SGSM1: variants seen among roughly 807,000 people sequenced by gnomAD.
The protein encoded by SGSM1 is RUN and TBC1 domain containing 2.
SGSM1 carries 73 observed loss-of-function variants against 133.8 expected under a neutral mutation model. That is an observed-to-expected ratio of 0.55 (90% CI 0.45 to 0.66). The LOEUF is 0.66. SGSM1 is among the 30% of genes least tolerant of loss of function. SGSM1 has a pLI of 0.00. For missense variants in SGSM1, 1,213 were observed against 1,448.1 expected, an observed-to-expected ratio of 0.84 and a Z score of 2.64; for synonymous variants, 563 against 573.0, an observed-to-expected ratio of 0.98 and a Z score of 0.25.
intron 24 of SGSM1, among the ~76,000 whole-genome samples, chr22:24,920,950 G>A (rs907413184): frequency 6.6e-6 from 1 of 152,078 alleles, no homozygotes; most frequent in African/African-American, 2.4e-5. Flanking sequence ...GCTTTATTTG[G>A]ATTTCACCTG....
chr22:24,848,421 G>A (rs954585713), intron 4 of SGSM1, among the ~76,000 whole-genome samples: 2 of 152,020 alleles, frequency 1.3e-5, no homozygotes, highest in African/African-American at 4.8e-5. Context: ...CTGACTAGAA[G>A]TTAAAAAAAA....
At chr22:24,859,691 G>A in intron 8 of SGSM1, 25 bp from the exon 9 acceptor site, 1 of 1,613,142 alleles carries the variant, frequency 6.2e-7, no homozygotes, top group East Asian at 2.2e-5. Flanking sequence ...ACCATGGCCA[G>A]ACCTGAGTCC....
intron 2 of SGSM1, among the ~76,000 whole-genome samples, chr22:24,818,142 G>A (rs965141887): frequency 6.6e-6 from 1 of 151,398 alleles, no homozygotes; most frequent in Non-Finnish European, 1.5e-5. Flanking sequence ...TGAGGCAGGA[G>A]AATCGCTTCA....
chr22:24,892,139 C>T (rs1385156974), intron 16 of SGSM1, among the ~76,000 whole-genome samples: 2 of 152,062 alleles, frequency 1.3e-5, no homozygotes, highest in Admixed American at 6.5e-5. Context: ...AGTGGTGTAA[C>T]CCTGGCCCAG....
At chr22:24,831,556 A>G (rs1044167351) in intron 2 of SGSM1, among the ~76,000 whole-genome samples, 1 of 152,138 alleles carries the variant, frequency 6.6e-6, no homozygotes, top group Non-Finnish European at 1.5e-5. Context: ...CTACCTCATC[A>G]GCCAAATTTG....
chr22:24,879,509 C>G lies in SGSM1; in HGVS notation c.1478C>G (p.Ser493Cys). ...LCDNMKYQIL[S>C]RAFYGWLAYC... ...GACAATATGAAGTACCAGATCCTCT[C>G]CAGAGCCTTCTATGGATGTACGTAT... Residue 493 changes from serine (S) to cysteine (C), a missense_variant, in exon 14 of 25, where the codon TCC (serine) becomes TGC (cysteine). Transcript: ENST00000400358. 4 of 1,613,716 alleles carry G rather than the reference C, an allele frequency of 2.5e-6. No homozygotes were observed. Among genetic ancestry groups the G allele is most frequent in the Non-Finnish European group, 3.4e-6 (4 of 1,179,826 alleles).
chr22:24,851,980 C>T (rs1930508917), intron 5 of SGSM1, among the ~76,000 whole-genome samples: 2 of 152,162 alleles, frequency 1.3e-5, no homozygotes, highest in South Asian at 4.1e-4. Flanking sequence ...TTAATTATTG[C>T]CTTTGGCATA....
intron 20 of SGSM1, among the ~76,000 whole-genome samples, chr22:24,904,505 AG>A (rs919566053): frequency 1.4e-5 from 2 of 147,904 alleles, no homozygotes; most frequent in Non-Finnish European, 3.0e-5. Context: ...TCGTGAACCC[AG>A]GGGGCGGAGC....
chr22:24,873,243 G>A (rs915117904), intron 12 of SGSM1, among the ~76,000 whole-genome samples: 1 of 152,076 alleles, frequency 6.6e-6, no homozygotes. Context: ...GATTGCAGGC[G>A]TGAGCCACCT....
intron 4 of SGSM1, among the ~76,000 whole-genome samples, chr22:24,849,228 C>T (rs1209871006): frequency 6.6e-6 from 1 of 150,662 alleles, no homozygotes. Flanking sequence ...ACATGGTAGA[C>T]TCTCAGTAAG....
At position 24,924,198 on chromosome 22, in the gene SGSM1, G is replaced by A. The variant is rs773363033; in HGVS notation, c.3206G>A (p.Arg1069Gln). 7.4e-6 allele frequency: 12 copies of A among 1,613,858 alleles called. No individual in the cohort carries two copies. Among genetic ancestry groups the A allele is most frequent in the East Asian group, 6.7e-5 (3 of 44,880 alleles). ...IIKFFNEMAE[R>Q]HNTKQVLKLA... Reference sequence around the variant, plus strand: ...TCTGCTCTTTCAGAAATGGCTGAGCGACACAACACCAAGCAAGTCCTGAAG... The same window carrying A: ...TCTGCTCTTTCAGAAATGGCTGAGCAACACAACACCAAGCAAGTCCTGAAG... The change falls in exon 25 of 25, where the codon CGA becomes CAA. Residue 1069 changes from arginine (R) to glutamine (Q), a missense_variant. Arg to Gln is a conservative substitution (Grantham distance 43). Coordinates refer to ENST00000400358, the MANE Select transcript of SGSM1 (RefSeq NM_001098497.3).
intron 9 of SGSM1, 70 bp downstream of exon 9, chr22:24,859,910 C>T (rs977640198): frequency 1.2e-5 from 19 of 1,592,236 alleles, no homozygotes; most frequent in East Asian, 6.8e-5. Flanking sequence ...AGTTCCTCCC[C>T]GGGGGAGGGG....
Position 24,876,333 on chromosome 22 carries a change from T to C in SGSM1, c.1292-244T>C, listed in dbSNP as rs546202415. Among the ~76,000 whole-genome samples the C allele has an allele frequency of 3.6e-4, 55 of 152,266 alleles. No individual in the cohort carries two copies. In the South Asian group the frequency reaches 6.8e-3, roughly 19 times the overall value. On this transcript the variant is annotated intron_variant, in intron 12 of 24. Coordinates refer to ENST00000400358, the MANE Select transcript of SGSM1 (RefSeq NM_001098497.3). ...GGCCTGGTTTCTTGGCTCTTGGCTC[T>C]CTGTGTCCTCTTCTTCTCTCTTTGG...
chr22:24,845,095 G>T (rs1046984325), intron 3 of SGSM1, 123 bp downstream of exon 3: 62 of 840,148 alleles, frequency 7.4e-5, no homozygotes, highest in Non-Finnish European at 1.0e-4. Flanking sequence ...AGGGGGACTC[G>T]ATTGGAGAAT....
intron 2 of SGSM1, among the ~76,000 whole-genome samples, chr22:24,815,883 G>A (rs1004561361): frequency 1.3e-5 from 2 of 152,114 alleles, no homozygotes; most frequent in Non-Finnish European, 2.9e-5. Flanking sequence ...GTTCCTTGGG[G>A]GAGGCCTGAT....
chr22:24,869,536 TAAAATAC>T (rs771363213), intron 12 of SGSM1, among the ~76,000 whole-genome samples: 4 of 152,144 alleles, frequency 2.6e-5, no homozygotes, highest in Non-Finnish European at 4.4e-5. Flanking sequence ...AAATGCAAAT[TAAAATAC>T]TTTTTAAATG....
intron 9 of SGSM1, among the ~76,000 whole-genome samples, chr22:24,860,923 ATAT>A (rs1345851532): frequency 3.4e-4 from 21 of 62,516 alleles, no homozygotes; most frequent in Non-Finnish European, 4.8e-4. Flanking sequence ...AAAAAAAAAA[ATAT>A]ATATATATAT....
chr22:24,912,532 C>T lies in SGSM1; in HGVS notation c.2819-111C>T, dbSNP rs1443828139. The T allele has an allele frequency of 1.2e-4, 81 of 695,670 alleles. No homozygotes were observed. The Admixed American group carries it at 2.2e-3, about 19-fold the overall frequency. The allele number at this position is 695,670 out of a possible 1,614,324, so 43.1% of individuals were successfully genotyped here. The stretch of plus-strand genomic sequence containing the variant: ...TCTCTACTAAAAATACAAAAAAGGT[C>T]CACCCCCAACATTGGAGGTCATATT... On this transcript the variant is annotated intron_variant, in intron 21 of 24. Coordinates refer to ENST00000400358, the MANE Select transcript of SGSM1 (RefSeq NM_001098497.3).
intron 2 of SGSM1, among the ~76,000 whole-genome samples, chr22:24,817,871 C>T (rs1377611166): frequency 6.6e-6 from 1 of 152,194 alleles, no homozygotes; most frequent in African/African-American, 2.4e-5. Flanking sequence ...TTGCACACTG[C>T]AGACTTTTAA....
Sources: allele counts gnomAD v4.1 joint callset (sites outside exome capture counted in the v4.1 genomes callset), GRCh38; gene constraint gnomAD v4.1.1; transcripts MANE v1.5; gene names NCBI Gene and HGNC (gene_info 2026-07-23, HGNC 2026-07-21).